The following SH3PXD2A variants were observed in gnomAD, a reference collection of about 807,000 sequenced individuals.
SH3PXD2A encodes the protein SH3 and PX domain-containing protein 2A.
SH3PXD2A carries 32 observed loss-of-function variants against 115.2 expected under a neutral mutation model. The observed-to-expected ratio is 0.28, with a 90% CI of 0.21 to 0.37. The LOEUF (loss-of-function observed/expected upper bound fraction) is 0.37. Ranked by LOEUF, SH3PXD2A falls within the 10% of genes least tolerant of loss-of-function variation. The pLI is 1.00. For missense variants in SH3PXD2A, 1,328 were observed against 1,498.7 expected (o/e 0.89, Z 1.88); for synonymous variants, 610 against 629.1 (o/e 0.97, Z 0.45).
At chr10:103,667,327 C>A (rs1373395517) in intron 7 of SH3PXD2A, among the ~76,000 whole-genome samples, 2 of 152,182 alleles carry the variant, frequency 1.3e-5, no homozygotes, top group Non-Finnish European at 2.9e-5. Context: ...ACTCCCCAAC[C>A]CTGGGCATCC....
At chr10:103,696,506 T>A (rs2037826071) in intron 5 of SH3PXD2A, among the ~76,000 whole-genome samples, 1 of 152,062 alleles carries the variant, frequency 6.6e-6, no homozygotes, top group South Asian at 2.1e-4. Context: ...CCTCTTCCCA[T>A]CAGTCCCCTT....
At chr10:103,625,976 CA>C (rs1388749904) in intron 9 of SH3PXD2A, among the ~76,000 whole-genome samples, 1 of 152,204 alleles carries the variant, frequency 6.6e-6, no homozygotes, top group African/African-American at 2.4e-5. Flanking sequence ...GCTCAGGGGC[CA>C]AGACTCTCCC....
chr10:103,711,052 A>T (rs1212303665), intron 5 of SH3PXD2A, among the ~76,000 whole-genome samples: 2 of 152,092 alleles, frequency 1.3e-5, no homozygotes, highest in African/African-American at 2.4e-5. Flanking sequence ...ATAATAATAA[A>T]AAACGGTTGC....
At chr10:103,686,745 A>ATTTTTT (rs760028346) in intron 6 of SH3PXD2A, among the ~76,000 whole-genome samples, 2 of 128,570 alleles carry the variant, frequency 1.6e-5, no homozygotes, top group African/African-American at 2.9e-5. Context: ...TTGCTGGGGA[A>ATTTTTT]TTTTTTTTTT....
chr10:103,850,183 C>T (rs1185401274), intron 1 of SH3PXD2A, among the ~76,000 whole-genome samples: 1 of 152,200 alleles, frequency 6.6e-6, no homozygotes, highest in African/African-American at 2.4e-5. Flanking sequence ...TATTTCTGGG[C>T]TGGAATCGGT....
chr10:103,602,638 G>C lies in SH3PXD2A; in HGVS notation c.2580C>G (p.Ser860Arg). The C allele has an allele frequency of 6.2e-7, 1 of 1,614,154 alleles. No homozygotes were observed. The highest frequency in any genetic ancestry group is 1.1e-5 in the South Asian group (1 of 91,080). ...CCTGCACCTCCACGCCCGCGGGGAA[G>C]CTGATCTCCGAGTCCTGGACCTTCT... ...AYQKVQDSEISFPAGVEVQVL... is the reference protein window; with the variant it reads ...AYQKVQDSEIRFPAGVEVQVL... Residue 860 changes from serine (S) to arginine (R), a missense_variant, in exon 15 of 15, where the codon AGC becomes AGG. Ser to Arg is a moderately radical substitution (Grantham distance 110). Around this residue, in one of 5 missense-constraint regions of SH3PXD2A, gnomAD observed 574 missense variants for 565.7 expected, o/e 1.01. Coordinates refer to ENST00000369774, the MANE Select transcript of SH3PXD2A (RefSeq NM_001394015.1).
intron 4 of SH3PXD2A, among the ~76,000 whole-genome samples, chr10:103,730,461 T>C (rs568950279): frequency 2.0e-5 from 3 of 152,108 alleles, no homozygotes. Flanking sequence ...TGGACTGTTC[T>C]TTCTAGGTCA....
chr10:103,807,533 A>G lies in SH3PXD2A; in HGVS notation c.73-6171T>C, dbSNP rs557162304. Among the ~76,000 whole-genome samples the G allele has an allele frequency of 9.1e-4, 139 of 152,324 alleles. 3 individuals are homozygous for G. In the South Asian group the frequency reaches 0.027, roughly 30 times the overall value. On this transcript the variant is annotated intron_variant, in intron 1 of 14. Coordinates refer to ENST00000369774, the MANE Select transcript of SH3PXD2A (RefSeq NM_001394015.1). ...GCTGGCTGCACTAGGGCCATTGTAT[A>G]CAGTTGGGCAAGTTGTTCACTGCCC...
chr10:103,842,108 G>C (rs1235449888), intron 1 of SH3PXD2A, among the ~76,000 whole-genome samples: 6 of 135,958 alleles, frequency 4.4e-5, no homozygotes, highest in Non-Finnish European at 9.1e-5. Flanking sequence ...CTGGGCGACA[G>C]AGCGAGACTC....
intron 8 of SH3PXD2A, among the ~76,000 whole-genome samples, chr10:103,628,223 G>A (rs891366469): frequency 2.0e-5 from 3 of 152,138 alleles, no homozygotes; most frequent in Admixed American, 6.5e-5. Flanking sequence ...GCACAGTCGC[G>A]GGAAGACCTC....
chr10:103,742,248 G>C (rs529571782), intron 3 of SH3PXD2A, among the ~76,000 whole-genome samples: 1 of 152,192 alleles, frequency 6.6e-6, no homozygotes, highest in African/African-American at 2.4e-5. Context: ...GCGGCATCAG[G>C]GAGAGTTCTT....
intron 2 of SH3PXD2A, among the ~76,000 whole-genome samples, chr10:103,782,042 C>T (rs1399475644): frequency 2.0e-5 from 3 of 152,212 alleles, no homozygotes; most frequent in African/African-American, 4.8e-5. Flanking sequence ...TGCAACAGGG[C>T]TCCTCACAAA....
At position 103,596,663 on chromosome 10, in the gene SH3PXD2A, A is replaced by ACACACACACACACACACACTCTCTCTCT; in HGVS notation, c.*5152_*5153insAGAGAGAGAGTGTGTGTGTGTGTGTGTG. On this transcript the variant is annotated 3_prime_UTR_variant, in exon 15 of 15. Coordinates refer to ENST00000369774, the MANE Select transcript of SH3PXD2A (RefSeq NM_001394015.1). ...CACACACACACACACACACACACAC[A>ACACACACACACACACACACTCTCTCTCT]CTCTCTCTCTCTCTCTCTCTCTCAC... The ACACACACACACACACACACTCTCTCTCT allele has an allele frequency of 4.2e-4, 52 of 124,494 alleles. No individual in the cohort carries two copies. The highest frequency in any genetic ancestry group is 1.5e-3 in the African/African-American group (47 of 31,736). 7.7% of individuals were successfully genotyped at this position (124,494 alleles called of 1,614,324 possible). A position where few individuals can be genotyped will look rare whatever the true frequency, so the allele number is the denominator to read the frequency against.
chr10:103,773,415 T>C (rs917368148), intron 2 of SH3PXD2A, among the ~76,000 whole-genome samples: 4 of 150,872 alleles, frequency 2.7e-5, no homozygotes. Context: ...TAATGATAAG[T>C]GTGGTTTTTC....
At chr10:103,679,014 G>A (rs1360206199) in intron 6 of SH3PXD2A, among the ~76,000 whole-genome samples, 1 of 152,176 alleles carries the variant, frequency 6.6e-6, no homozygotes, top group African/African-American at 2.4e-5. Context: ...CGTGGCACAT[G>A]GGGACAGTGG....
intron 3 of SH3PXD2A, among the ~76,000 whole-genome samples, chr10:103,740,300 G>C (rs945245936): frequency 1.3e-5 from 2 of 152,176 alleles, no homozygotes; most frequent in Non-Finnish European, 2.9e-5. Context: ...GGGTTTTAAA[G>C]CTTAGAGAGT....
intron 5 of SH3PXD2A, among the ~76,000 whole-genome samples, chr10:103,708,394 G>A (rs1235157895): frequency 6.6e-6 from 1 of 152,106 alleles, no homozygotes; most frequent in East Asian, 1.9e-4. Context: ...GTGGGAGGTT[G>A]GAGCCCAGGC....
intron 5 of SH3PXD2A, among the ~76,000 whole-genome samples, chr10:103,704,844 C>G (rs77674799): frequency 3.3e-5 from 5 of 152,024 alleles, no homozygotes; most frequent in Non-Finnish European, 1.5e-5. Context: ...CTGTGAGGCC[C>G]GAGACATGGG....
chr10:103,602,535 C>A lies in SH3PXD2A; in HGVS notation c.2683G>T (p.Val895Leu), dbSNP rs758001725. ...LEGWAPSHYL[V>L]LDENEQPDPS... ...TCAGGTTGCTCGTTCTCATCCAGCA[C>A]CAAATAGTGGGAAGGGGCCCAGCCC... The change falls in exon 15 of 15, where the codon GTG becomes TTG. Residue 895 changes from valine (V) to leucine (L), a missense_variant. Val to Leu is a conservative substitution (Grantham distance 32). Around this residue, in one of 5 missense-constraint regions of SH3PXD2A, gnomAD observed 574 missense variants for 565.7 expected, o/e 1.01. Transcript: ENST00000369774. The A allele has an allele frequency of 2.5e-6, 4 of 1,614,070 alleles. No homozygotes were observed. The East Asian group carries it at 6.7e-5, about 27-fold the overall frequency.
Sources: gnomAD v4.1 joint callset for allele counts (sites outside exome capture counted in the v4.1 genomes callset) on GRCh38, gnomAD v4.1.1 for gene constraint, gnomAD v4.1.1 regional missense constraint, MANE v1.5 for transcripts, NCBI Gene and HGNC (gene_info 2026-07-23, HGNC 2026-07-21) for gene names.